Variants in APBB2 observed in about 807,000 individuals in gnomAD.
The protein encoded by APBB2 is amyloid beta precursor protein binding family B member 2, also known as Fe65-like 1.
In APBB2, 38 loss-of-function variants were observed where a neutral mutation model predicts 82.5. The ratio of observed to expected loss-of-function variants is 0.46; its 90% confidence interval spans 0.36 to 0.60. The LOEUF is 0.60. APBB2 is among the 20% of genes least tolerant of loss of function. The pLI is 0.00. For synonymous variants in APBB2, 341 were observed against 368.2 expected (o/e 0.93, Z 0.85); for missense variants, 772 against 972.3 (o/e 0.79, Z 2.74).
chr4:40,982,627 G>T (rs1341686992), intron 6 of APBB2, among the ~76,000 whole-genome samples: 1 of 151,348 alleles, frequency 6.6e-6, no homozygotes, highest in African/African-American at 2.4e-5. Flanking sequence ...AAATTAGCTG[G>T]TCTCTACCAA....
chr4:41,069,245 G>A (rs1421655693), intron 3 of APBB2, among the ~76,000 whole-genome samples: 1 of 152,176 alleles, frequency 6.6e-6, no homozygotes, highest in Non-Finnish European at 1.5e-5. Context: ...CTGCCACTGA[G>A]ACTTCCTAGC....
chr4:41,131,207 T>C (rs1212438142), intron 2 of APBB2, among the ~76,000 whole-genome samples: 1 of 152,202 alleles, frequency 6.6e-6, no homozygotes, highest in Admixed American at 6.5e-5. Context: ...AGCTGAGCAG[T>C]AGCTGTGCCC....
chr4:41,159,955 G>GAAGAAGAAGA (rs1764531774), intron 1 of APBB2, among the ~76,000 whole-genome samples: 23 of 48,780 alleles, frequency 4.7e-4, no homozygotes, highest in Admixed American at 1.2e-3. Flanking sequence ...GAAGGAGAAG[G>GAAGAAGAAGA]AGAAGGAGAA....
At chr4:40,858,454 CAAAAAAAAAA>C (rs34433911) in intron 12 of APBB2, among the ~76,000 whole-genome samples, 1 of 57,740 alleles carries the variant, frequency 1.7e-5, no homozygotes, top group African/African-American at 7.4e-5. Context: ...GAGTCCGTCT[CAAAAAAAAAA>C]AAAAAAAAAA....
chr4:41,196,763 A>C, intron 1 of APBB2, among the ~76,000 whole-genome samples: 4 of 152,134 alleles, frequency 2.6e-5, no homozygotes, highest in Admixed American at 6.5e-5. Context: ...TTCATGATCA[A>C]AGAAAACCAC....
At chr4:41,157,780 C>T (rs930292885) in intron 1 of APBB2, among the ~76,000 whole-genome samples, 15 of 152,182 alleles carry the variant, frequency 9.9e-5, no homozygotes, top group Non-Finnish European at 2.1e-4. Context: ...CACTTGAGGT[C>T]AGGAGTTCGG....
At chr4:40,855,265 GGAA>G (rs1760807119) in intron 12 of APBB2, among the ~76,000 whole-genome samples, 1 of 152,106 alleles carries the variant, frequency 6.6e-6, no homozygotes, top group South Asian at 2.1e-4. Flanking sequence ...CTCCAAGAAA[GGAA>G]GAAGACACCT....
chr4:41,186,198 G>C (rs1772848610), intron 1 of APBB2, among the ~76,000 whole-genome samples: 2 of 152,122 alleles, frequency 1.3e-5, no homozygotes, highest in African/African-American at 2.4e-5. Flanking sequence ...AATGCAATAA[G>C]ATAACATTAA....
At chr4:41,050,473 T>C (rs777680837) in intron 4 of APBB2, among the ~76,000 whole-genome samples, 1 of 152,238 alleles carries the variant, frequency 6.6e-6, no homozygotes, top group African/African-American at 2.4e-5. Flanking sequence ...ATATTGTTTT[T>C]CCAGAGGGTT....
intron 4 of APBB2, among the ~76,000 whole-genome samples, chr4:41,060,698 G>T (rs1579662885): frequency 6.6e-6 from 1 of 152,312 alleles, no homozygotes; most frequent in Middle Eastern, 3.4e-3. Flanking sequence ...CGTGCTTCCA[G>T]CAGGGAAACC....
chr4:41,149,204 T>C (rs1360789610), intron 1 of APBB2, among the ~76,000 whole-genome samples: 2 of 152,074 alleles, frequency 1.3e-5, no homozygotes, highest in Admixed American at 6.5e-5. Context: ...CTGAAATTCA[T>C]CCAGTAATAA....
intron 1 of APBB2, among the ~76,000 whole-genome samples, chr4:41,195,661 C>T: frequency 2.6e-5 from 4 of 152,192 alleles, no homozygotes; most frequent in Non-Finnish European, 5.9e-5. Flanking sequence ...AAAGTCAAGG[C>T]CCTTTCCGTG....
chr4:41,114,941 T>C (rs1247735266), intron 2 of APBB2, among the ~76,000 whole-genome samples: 7 of 152,108 alleles, frequency 4.6e-5, no homozygotes, highest in South Asian at 4.1e-4. Flanking sequence ...CAAGCTACCA[T>C]TGACTTTCTT....
chr4:40,945,092 G>A lies in APBB2; in HGVS notation c.836-19C>T. The A allele has an allele frequency of 2.7e-6, 3 of 1,109,254 alleles. No individual in the cohort carries two copies. Among genetic ancestry groups the A allele is most frequent in the African/African-American group, 1.6e-5 (1 of 63,176 alleles). The allele number at this position is 1,109,254 out of a possible 1,614,324, so 68.7% of individuals were successfully genotyped here. ...ATATCTGCTGAAAAATTGGGGGGCG[G>A]GGCGGGGGGAGAAAGAGAGAATTTT... On this transcript the variant is annotated intron_variant, in intron 6 of 17. Coordinates refer to ENST00000508593, the MANE Select transcript of APBB2 (RefSeq NM_004307.2).
At chr4:41,090,646 G>C (rs1435114887) in intron 3 of APBB2, among the ~76,000 whole-genome samples, 1 of 152,056 alleles carries the variant, frequency 6.6e-6, no homozygotes, top group Non-Finnish European at 1.5e-5. Context: ...TATTAGTAGG[G>C]TGGTTATTTA....
intron 10 of APBB2, among the ~76,000 whole-genome samples, chr4:40,933,968 A>C (rs550462500): frequency 2.4e-4 from 36 of 152,332 alleles, no homozygotes; most frequent in African/African-American, 8.4e-4. Context: ...AATGGACACA[A>C]GTTTGCCCCA....
At chr4:40,983,457 C>T (rs1578982876) in intron 6 of APBB2, among the ~76,000 whole-genome samples, 1 of 152,206 alleles carries the variant, frequency 6.6e-6, no homozygotes, top group South Asian at 2.1e-4. Context: ...AAATTCTCTT[C>T]CCTATCATTC....
In APBB2 at chr4:41,041,261, T is replaced by TA. The variant is rs573807805; in HGVS notation, c.-50-7958dup. ...CAAAATTCAATAACAGTCAACTATT[T>TA]AAAAAAAAATCCTTTAAATTGCCTG... On this transcript the variant is annotated intron_variant, in intron 4 of 17. Coordinates refer to ENST00000508593, the MANE Select transcript of APBB2 (RefSeq NM_004307.2). Among the ~76,000 whole-genome samples the TA allele has an allele frequency of 2.7e-3, 415 of 151,860 alleles. 1 individual carries two copies. Among genetic ancestry groups the TA allele is most frequent in the African/African-American group, 9.1e-3 (378 of 41,438 alleles).
intron 12 of APBB2, among the ~76,000 whole-genome samples, chr4:40,869,645 T>C (rs1037065819): frequency 6.6e-6 from 1 of 152,078 alleles, no homozygotes; most frequent in Non-Finnish European, 1.5e-5. Context: ...GGGACCGCTC[T>C]ATAAACAAAG....
Sources: allele counts gnomAD v4.1 joint callset (sites outside exome capture counted in the v4.1 genomes callset), GRCh38; gene constraint gnomAD v4.1.1; transcripts MANE v1.5; gene names NCBI Gene and HGNC (gene_info 2026-07-23, HGNC 2026-07-21).